The following CALCR variants were observed in gnomAD, a reference collection of about 807,000 sequenced individuals.
The protein encoded by CALCR is calcitonin receptor.
A neutral mutation model predicts 59.5 loss-of-function variants in CALCR; 47 were observed. That is an observed-to-expected ratio of 0.79 (90% CI 0.63 to 1.01). CALCR has a LOEUF of 1.01. Ranked by LOEUF, CALCR falls within the 50% of genes least tolerant of loss-of-function variation. The pLI, the probability that CALCR is intolerant of heterozygous loss-of-function variation, is 0.00. For missense variants in CALCR, 566 were observed against 597.1 expected (o/e 0.95, Z 0.54); for synonymous variants, 213 against 211.3 (o/e 1.01, Z -0.07).
chr7:93,573,123 T>C (rs6964979), intron 2 of CALCR, among the ~76,000 whole-genome samples: 8,726 of 152,230 alleles, frequency 0.057, 831 homozygotes, highest in African/African-American at 0.2. Context: ...ACCAGCAATC[T>C]CAACTTTTTA....
intron 2 of CALCR, among the ~76,000 whole-genome samples, chr7:93,533,975 G>T: frequency 6.6e-6 from 1 of 151,666 alleles, no homozygotes; most frequent in Non-Finnish European, 1.5e-5. Context: ...ACATTTTATA[G>T]TAGAAAACAG....
chr7:93,502,397 A>G (rs1185940126), intron 2 of CALCR, among the ~76,000 whole-genome samples: 1 of 152,184 alleles, frequency 6.6e-6, no homozygotes, highest in Non-Finnish European at 1.5e-5. Flanking sequence ...CACTGATTCT[A>G]GAAACATACG....
chr7:93,521,497 CAAGA>C (rs149169212), intron 2 of CALCR, among the ~76,000 whole-genome samples: 4,937 of 152,042 alleles, frequency 0.032, 277 homozygotes, highest in African/African-American at 0.11. Context: ...ACAAAGGTAC[CAAGA>C]AAGTACATCC....
intron 2 of CALCR, among the ~76,000 whole-genome samples, chr7:93,554,610 A>G (rs1262140468): frequency 6.6e-6 from 1 of 151,824 alleles, no homozygotes; most frequent in Non-Finnish European, 1.5e-5. Flanking sequence ...GAGTCCAGCA[A>G]TAGCACATTG....
chr7:93,526,152 G>A (rs1298048714), intron 2 of CALCR, among the ~76,000 whole-genome samples: 1 of 152,092 alleles, frequency 6.6e-6, no homozygotes, highest in Admixed American at 6.6e-5. Flanking sequence ...TATAGAAAGG[G>A]GCTTTAGAGT....
At chr7:93,467,596 T>C (rs1303572275) in intron 7 of CALCR, among the ~76,000 whole-genome samples, 2 of 151,712 alleles carry the variant, frequency 1.3e-5, no homozygotes, top group East Asian at 3.9e-4. Flanking sequence ...TATAGATGTA[T>C]AATGTACCAT....
intron 7 of CALCR, among the ~76,000 whole-genome samples, chr7:93,468,479 A>G (rs975043667): frequency 6.6e-6 from 1 of 151,810 alleles, no homozygotes; most frequent in African/African-American, 2.4e-5. Flanking sequence ...TATTTTGGGA[A>G]GTCTCAAGAT....
chr7:93,500,183 T>G (rs1302868971), intron 2 of CALCR, among the ~76,000 whole-genome samples: 1 of 151,918 alleles, frequency 6.6e-6, no homozygotes, highest in Admixed American at 6.6e-5. Flanking sequence ...ATTACTAATC[T>G]GTCTCGCATT....
chr7:93,550,700 C>T (rs1031714564), intron 2 of CALCR, among the ~76,000 whole-genome samples: 1 of 150,270 alleles, frequency 6.7e-6, no homozygotes, highest in African/African-American at 2.5e-5. Context: ...TATCTGAATG[C>T]GATGGCAAAA....
At chr7:93,526,883 T>G (rs920795570) in intron 2 of CALCR, among the ~76,000 whole-genome samples, 1 of 152,006 alleles carries the variant, frequency 6.6e-6, no homozygotes, top group Non-Finnish European at 1.5e-5. Flanking sequence ...AAAATAAAAT[T>G]CTAGCTTTGG....
chr7:93,465,316 G>C (rs1800417381), intron 7 of CALCR, among the ~76,000 whole-genome samples: 1 of 151,930 alleles, frequency 6.6e-6, no homozygotes, highest in East Asian at 1.9e-4. Context: ...GTCCATTTAT[G>C]TGTCTTTCCC....
At chr7:93,461,422 A>T (rs761843579) in intron 7 of CALCR, among the ~76,000 whole-genome samples, 12 of 152,136 alleles carry the variant, frequency 7.9e-5, no homozygotes, top group Non-Finnish European at 1.5e-4. Context: ...GAGCCATTGC[A>T]TACACACACT....
At chr7:93,431,462 T>C (rs914425189) in intron 13 of CALCR, among the ~76,000 whole-genome samples, 3 of 152,086 alleles carry the variant, frequency 2.0e-5, no homozygotes, top group African/African-American at 7.2e-5. Context: ...CGGAAAGAAC[T>C]TGTGAATCAG....
At position 93,434,401 on chromosome 7, in the gene CALCR, A is replaced by AAG; in HGVS notation, c.1150-109_1150-108dup. 5.8e-6 allele frequency: 4 copies of AAG among 695,182 alleles called. No homozygotes were observed. In the South Asian group the frequency reaches 6.7e-5, roughly 12 times the overall value. 43.1% of individuals were successfully genotyped at this position (695,182 alleles called of 1,614,324 possible). On this transcript the variant is annotated intron_variant, in intron 12 of 13. Transcript: ENST00000426151. ...GAGAAGGCCTGATGAAAAAAAAAAA[A>AAG]AGCAAGAAAAAGAATTATCTACCAT...
chr7:93,542,934 T>A (rs1789182503), intron 2 of CALCR, among the ~76,000 whole-genome samples: 1 of 150,716 alleles, frequency 6.6e-6, no homozygotes, highest in South Asian at 2.1e-4. Context: ...CTGAAGGACC[T>A]GCCTGAGATG....
intron 8 of CALCR, among the ~76,000 whole-genome samples, chr7:93,457,692 T>G (rs1011892518): frequency 2.6e-5 from 4 of 152,182 alleles, no homozygotes; most frequent in African/African-American, 9.7e-5. Context: ...ATGTGACTGT[T>G]TTCTGCAGAG....
intron 2 of CALCR, among the ~76,000 whole-genome samples, chr7:93,528,659 A>G (rs564844346): frequency 2.6e-5 from 4 of 152,316 alleles, no homozygotes; most frequent in African/African-American, 9.6e-5. Flanking sequence ...ATGTAATATA[A>G]TCTTAAAGGA....
chr7:93,445,603 G>A (rs1799992723), intron 8 of CALCR, among the ~76,000 whole-genome samples: 1 of 152,050 alleles, frequency 6.6e-6, no homozygotes. Flanking sequence ...GAAAACACAT[G>A]GTTAGGTTCC....
At chr7:93,468,948 A>G (rs913014330) in intron 6 of CALCR, 142 bp from the exon 7 acceptor site, 12 of 467,302 alleles carry the variant, frequency 2.6e-5, no homozygotes, top group Non-Finnish European at 4.5e-5. Context: ...AATATTTCAG[A>G]TAGTGAAATT....
Sources: gnomAD v4.1 joint callset for allele counts (sites outside exome capture counted in the v4.1 genomes callset) on GRCh38, gnomAD v4.1.1 for gene constraint, MANE v1.5 for transcripts, NCBI Gene and HGNC (gene_info 2026-07-23, HGNC 2026-07-21) for gene names.